The following MEGF11 variants were observed in gnomAD, a reference collection of about 807,000 sequenced individuals.
MEGF11 encodes the protein multiple EGF like domains 11, also known as multiple epidermal growth factor-like domains protein 11.
In MEGF11, 126 loss-of-function variants were observed where a neutral mutation model predicts 146.6. The ratio of observed to expected loss-of-function variants is 0.86; its 90% CI spans 0.74 to 1.00. The LOEUF (loss-of-function observed/expected upper bound fraction) is 1.00, where lower values mean the gene tolerates loss of function less well. MEGF11 is among the 50% of genes least tolerant of loss of function. The probability of loss-of-function intolerance (pLI) is 0.00; values close to 1 mark genes in which losing one functional copy is unlikely to be tolerated. For missense variants in MEGF11, 1,509 were observed against 1,521.2 expected (o/e 0.99, Z 0.13); for synonymous variants, 532 against 583.4 (o/e 0.91, Z 1.27).
intron 23 of MEGF11, among the ~76,000 whole-genome samples, chr15:65,908,023 C>CTG (rs148506137): frequency 4.0e-5 from 6 of 151,894 alleles, no homozygotes; most frequent in East Asian, 1.9e-4. Flanking sequence ...GGTGGTGGGG[C>CTG]TGTGTGTGTG....
At chr15:66,171,524 G>A (rs979997589) in intron 1 of MEGF11, among the ~76,000 whole-genome samples, 5 of 152,126 alleles carry the variant, frequency 3.3e-5, no homozygotes, top group African/African-American at 1.2e-4. Flanking sequence ...CTGAAGAAGG[G>A]AATGGAGAGG....
At chr15:65,970,505 AAT>A (rs2081266144) in intron 8 of MEGF11, 46 bp downstream of exon 8, 1 of 1,590,534 alleles carries the variant, frequency 6.3e-7, no homozygotes, top group African/African-American at 1.3e-5. Context: ...GTCTCCTATG[AAT>A]ATGAGTAAAA....
At chr15:66,207,768 G>T (rs539866801) in intron 1 of MEGF11, among the ~76,000 whole-genome samples, 31 of 152,270 alleles carry the variant, frequency 2.0e-4, no homozygotes, top group African/African-American at 7.2e-4. Flanking sequence ...GATGTAATTC[G>T]TATGACAATT....
chr15:66,197,324 G>A (rs1225783108), intron 1 of MEGF11, among the ~76,000 whole-genome samples: 3 of 152,130 alleles, frequency 2.0e-5, no homozygotes, highest in East Asian at 1.9e-4. Flanking sequence ...GAGATGTCTC[G>A]GTAGGACAGT....
chr15:65,982,212 C>T lies in MEGF11; in HGVS notation c.641+30G>A, dbSNP rs434886. ...CTCCAGGTCCCGCCCCTCCAGGTCC[C>T]GCCCCTCCAGGTCCTGCCGCATGAC... On this transcript the variant is annotated intron_variant, in intron 6 of 25. Transcript: ENST00000395614. This position sits in a 1 kb window ranked among gnomAD's most constrained non-coding sequence, Gnocchi z 5.6. 1.3e-6 allele frequency: 2 copies of T among 1,532,598 alleles called. No individual in the cohort carries two copies. The highest frequency in any genetic ancestry group is 8.7e-7 in the Non-Finnish European group (1 of 1,143,094). The allele number at this position is 1,532,598 out of a possible 1,614,324, so 94.9% of individuals were successfully genotyped here.
intron 5 of MEGF11, among the ~76,000 whole-genome samples, chr15:66,001,947 C>T (rs923756779): frequency 4.6e-5 from 7 of 152,168 alleles, no homozygotes; most frequent in African/African-American, 1.7e-4. Flanking sequence ...GTCCTCTCCT[C>T]TTCTGGGTCA....
chr15:66,193,999 G>T (rs1386940165), intron 1 of MEGF11, among the ~76,000 whole-genome samples: 1 of 152,190 alleles, frequency 6.6e-6, no homozygotes, highest in South Asian at 2.1e-4. Context: ...CCATTACTAC[G>T]TATCTATCCA....
chr15:65,968,756 G>T (rs553447391), intron 8 of MEGF11, among the ~76,000 whole-genome samples: 1 of 152,080 alleles, frequency 6.6e-6, no homozygotes, highest in African/African-American at 2.4e-5. Context: ...GTCCAATATT[G>T]CCATTAACAA....
intron 4 of MEGF11, among the ~76,000 whole-genome samples, chr15:66,101,928 C>T (rs1597084545): frequency 6.6e-6 from 1 of 152,318 alleles, no homozygotes; most frequent in African/African-American, 2.4e-5. Flanking sequence ...TGTCAGATTA[C>T]AAAATCCCCT....
chr15:66,085,262 G>A (rs757508424), intron 5 of MEGF11, among the ~76,000 whole-genome samples: 1 of 152,150 alleles, frequency 6.6e-6, no homozygotes, highest in Non-Finnish European at 1.5e-5. Flanking sequence ...AGAAGACAAA[G>A]GGCATATAAT....
In MEGF11 at chr15:66,033,998, G is replaced by GAA. The variant is rs1159579455; in HGVS notation, c.395-51511_395-51510insTT. Among the ~76,000 whole-genome samples the GAA allele has an allele frequency of 5.2e-3, 787 of 152,218 alleles. 5 individuals are homozygous for GAA. The highest frequency in any genetic ancestry group is 0.018 in the African/African-American group (748 of 41,538). On this transcript the variant is annotated intron_variant, in intron 5 of 25. Coordinates refer to ENST00000395614, the MANE Select transcript of MEGF11 (RefSeq NM_001385028.1). Reference sequence around the variant, plus strand: ...GTAGAGACAGGGTTTTACCATTTTGGCCAGGCTGGTCTTGAACTCCTGACC... The same window carrying GAA: ...GTAGAGACAGGGTTTTACCATTTTGGAACCAGGCTGGTCTTGAACTCCTGACC...
At chr15:66,094,695 A>G (rs373153664) in intron 4 of MEGF11, among the ~76,000 whole-genome samples, 81 of 152,276 alleles carry the variant, frequency 5.3e-4, no homozygotes, top group African/African-American at 1.7e-3. Flanking sequence ...ACAAGAGTAC[A>G]TTTCATCCCA....
intron 4 of MEGF11, among the ~76,000 whole-genome samples, chr15:66,113,531 T>C (rs992891003): frequency 2.0e-5 from 3 of 152,176 alleles, no homozygotes; most frequent in Non-Finnish European, 4.4e-5. Flanking sequence ...TTCTCCCTGC[T>C]GCCGCCCGCA....
At chr15:66,205,602 C>G (rs1278299848) in intron 1 of MEGF11, among the ~76,000 whole-genome samples, 1 of 152,234 alleles carries the variant, frequency 6.6e-6, no homozygotes, top group Non-Finnish European at 1.5e-5. Flanking sequence ...AAGAAAGGAG[C>G]TGAAACTTTC....
chr15:66,146,502 G>T (rs1013652494), intron 1 of MEGF11, among the ~76,000 whole-genome samples: 1 of 152,262 alleles, frequency 6.6e-6, no homozygotes, highest in African/African-American at 2.4e-5. Flanking sequence ...GGAACGAGTT[G>T]TTTTTCATTC....
chr15:66,082,484 TC>T (rs1251777987), intron 5 of MEGF11, among the ~76,000 whole-genome samples: 18 of 126,002 alleles, frequency 1.4e-4, no homozygotes, highest in Non-Finnish European at 1.6e-5. Flanking sequence ...TATCTATCTA[TC>T]TATCTATCTA....
intron 2 of MEGF11, among the ~76,000 whole-genome samples, chr15:66,125,961 C>A (rs74366425): frequency 0.25 from 38,110 of 152,074 alleles, 5,531 homozygotes; most frequent in African/African-American, 0.4. Context: ...AGTCTGGCAA[C>A]CAGGCCTCGT....
At chr15:66,075,452 T>C (rs2085535872) in intron 5 of MEGF11, among the ~76,000 whole-genome samples, 2 of 152,206 alleles carry the variant, frequency 1.3e-5, no homozygotes, top group South Asian at 4.1e-4. Flanking sequence ...GCCTGTAAAG[T>C]ATGAGTTGAT....
At chr15:66,023,148 A>AAAAC (rs981799702) in intron 5 of MEGF11, among the ~76,000 whole-genome samples, 17 of 150,900 alleles carry the variant, frequency 1.1e-4, no homozygotes, top group South Asian at 2.1e-4. Context: ...CTCAAAAAAA[A>AAAAC]AAAAAAACAA....
Sources: allele counts gnomAD v4.1 joint callset (sites outside exome capture counted in the v4.1 genomes callset), GRCh38; gene constraint gnomAD v4.1.1; non-coding constraint Gnocchi (gnomAD v3.1); transcripts MANE v1.5; gene names NCBI Gene and HGNC (gene_info 2026-07-23, HGNC 2026-07-21).